The following PTK2 variants were observed in gnomAD, a reference collection of about 807,000 sequenced individuals.
The protein encoded by PTK2 is protein tyrosine kinase 2.
A neutral mutation model predicts 150.1 loss-of-function variants in PTK2; 45 were observed. The ratio of observed to expected loss-of-function variants is 0.30; its 90% confidence interval spans 0.24 to 0.38. PTK2 has a LOEUF of 0.38. PTK2 is among the 10% of genes least tolerant of loss of function. The pLI is 1.00. For missense variants in PTK2, 919 were observed against 1,307.3 expected, an observed-to-expected ratio of 0.70 and a Z score of 4.58; for synonymous variants, 432 against 449.2, an observed-to-expected ratio of 0.96 and a Z score of 0.48.
At chr8:140,853,506 C>G (rs1208899249) in intron 5 of PTK2, among the ~76,000 whole-genome samples, 1 of 151,898 alleles carries the variant, frequency 6.6e-6, no homozygotes, top group Non-Finnish European at 1.5e-5. Flanking sequence ...CATGTCCCTA[C>G]AAAGGACATG....
intron 22 of PTK2, among the ~76,000 whole-genome samples, chr8:140,723,215 C>T (rs996638334): frequency 2.6e-5 from 4 of 152,184 alleles, no homozygotes; most frequent in Admixed American, 2.6e-4. Flanking sequence ...AGTTGTCAGA[C>T]ATGAATCTAA....
chr8:140,959,923 G>A (rs1222352884), intron 1 of PTK2, among the ~76,000 whole-genome samples: 4 of 151,694 alleles, frequency 2.6e-5, no homozygotes, highest in Admixed American at 1.3e-4. Context: ...GGCTGAGGTG[G>A]GAGGATCTGC....
At chr8:140,879,527 C>T (rs1360701056) in exon 4 of PTK2, 1 of 1,613,758 alleles carries the variant, frequency 6.2e-7, no homozygotes, top group Admixed American at 1.7e-5. Flanking sequence ...TGGAGACGCC[C>T]ATATCCACGT....
intron 2 of PTK2, among the ~76,000 whole-genome samples, chr8:140,895,552 A>T (rs2100155840): frequency 6.6e-6 from 1 of 152,152 alleles, no homozygotes; most frequent in Non-Finnish European, 1.5e-5. Context: ...TACGTATTTA[A>T]ATTCATGTAT....
intron 1 of PTK2, among the ~76,000 whole-genome samples, chr8:140,959,282 G>A (rs1476701540): frequency 1.3e-5 from 2 of 151,762 alleles, no homozygotes; most frequent in East Asian, 1.9e-4. Flanking sequence ...TGTAATCCCA[G>A]CACTTTGGGA....
intron 14 of PTK2, among the ~76,000 whole-genome samples, chr8:140,780,328 A>G (rs2100080943): frequency 1.3e-5 from 2 of 152,182 alleles, no homozygotes; most frequent in African/African-American, 4.8e-5. Context: ...GATGGGACCT[A>G]AACCCATTGA....
chr8:140,783,446 G>A (rs1200955749), intron 14 of PTK2, among the ~76,000 whole-genome samples: 1 of 152,174 alleles, frequency 6.6e-6, no homozygotes, highest in African/African-American at 2.4e-5. Flanking sequence ...GATGCCTGTG[G>A]ATGGGCCAGG....
At chr8:140,860,352 C>T (rs768273800) in intron 5 of PTK2, among the ~76,000 whole-genome samples, 1 of 152,182 alleles carries the variant, frequency 6.6e-6, no homozygotes, top group African/African-American at 2.4e-5. Context: ...GAACTGCCAA[C>T]GTTTCAACTG....
At chr8:140,896,879 G>A (rs943451041) in intron 2 of PTK2, among the ~76,000 whole-genome samples, 5 of 149,832 alleles carry the variant, frequency 3.3e-5, no homozygotes, top group Non-Finnish European at 7.4e-5. Context: ...CTATAATTAT[G>A]CATAGATTAT....
intron 24 of PTK2, among the ~76,000 whole-genome samples, chr8:140,704,031 A>G (rs1419227440): frequency 6.6e-6 from 1 of 152,218 alleles, no homozygotes; most frequent in Non-Finnish European, 1.5e-5. Context: ...TCTTCAAGTA[A>G]GACATATAGT....
At chr8:140,661,362 G>A (rs2079624301) in intron 31 of PTK2, among the ~76,000 whole-genome samples, 1 of 152,174 alleles carries the variant, frequency 6.6e-6, no homozygotes, top group Admixed American at 6.5e-5. Context: ...CAGGTGAACG[G>A]ACCAACCTGA....
rs547824485 is a variant in PTK2 at position 140,920,376 on chromosome 8, C to G, written c.-33+5285G>C. 1.8e-3 allele frequency among the ~76,000 whole-genome samples: 277 copies of G among 152,102 alleles called. 2 individuals are homozygous for G. The Middle Eastern group carries it at 0.021, about 11-fold the overall frequency. On this transcript the variant is annotated intron_variant, in intron 2 of 31. Transcript: ENST00000522684. ...TTCCTAAGCCCACCTTACAATAATA[C>G]CGAGTTTCAAATTGAATATACAATC...
At chr8:140,759,551 AAAAG>A (rs1285398990) in intron 16 of PTK2, among the ~76,000 whole-genome samples, 21 of 150,452 alleles carry the variant, frequency 1.4e-4, no homozygotes, top group Non-Finnish European at 2.8e-4. Context: ...AAAAAAAAAA[AAAAG>A]AAAGAAAGAA....
chr8:140,959,542 A>G (rs1242117931), intron 1 of PTK2, among the ~76,000 whole-genome samples: 1 of 150,478 alleles, frequency 6.6e-6, no homozygotes, highest in Non-Finnish European at 1.5e-5. Context: ...CTGTCTCAAA[A>G]AAAAAAAAAA....
chr8:140,940,143 G>A (rs997274183), intron 1 of PTK2, among the ~76,000 whole-genome samples: 1 of 152,248 alleles, frequency 6.6e-6, no homozygotes, highest in African/African-American at 2.4e-5. Flanking sequence ...GGATGGGCAA[G>A]TAATAAATAC....
intron 30 of PTK2, 39 bp downstream of exon 34, chr8:140,668,230 A>G: frequency 1.2e-6 from 2 of 1,611,966 alleles, no homozygotes; most frequent in Non-Finnish European, 1.7e-6. Context: ...ACAGGAAACA[A>G]GAACATTTTT....
chr8:140,962,281 G>GAGGGAGGA (rs1262163893), intron 1 of PTK2, among the ~76,000 whole-genome samples: 1 of 143,100 alleles, frequency 7.0e-6, no homozygotes, highest in African/African-American at 2.5e-5. Context: ...GGGAGGAAGG[G>GAGGGAGGA]AGGGAGGAAG....
intron 22 of PTK2, among the ~76,000 whole-genome samples, chr8:140,726,060 T>C (rs548596153): frequency 6.6e-6 from 1 of 152,158 alleles, no homozygotes; most frequent in East Asian, 1.9e-4. Context: ...CAAACAAAAA[T>C]TCTATTACCA....
intron 1 of PTK2, among the ~76,000 whole-genome samples, chr8:140,952,989 A>T (rs1393967842): frequency 6.6e-6 from 1 of 152,242 alleles, no homozygotes; most frequent in Non-Finnish European, 1.5e-5. Flanking sequence ...ATCTCACAGC[A>T]TCTTCGCAAT....
Sources: gnomAD v4.1 joint callset for allele counts (sites outside exome capture counted in the v4.1 genomes callset) on GRCh38, gnomAD v4.1.1 for gene constraint, MANE v1.5 for transcripts, NCBI Gene and HGNC (gene_info 2026-07-23, HGNC 2026-07-21) for gene names.